Variants in MAOB observed in about 807,000 individuals in gnomAD.
MAOB encodes the protein monoamine oxidase B, also known as amine oxidase [flavin-containing] B.
A neutral mutation model predicts 41.9 loss-of-function variants in MAOB; 15 were observed. That is an observed-to-expected ratio of 0.36 (90% CI 0.24 to 0.55). The LOEUF is 0.55. MAOB is among the 20% of genes least tolerant of loss of function. The pLI is 0.86. For synonymous variants in MAOB, 167 were observed against 144.2 expected (o/e 1.16, Z -1.13); for missense variants, 345 against 398.7 (o/e 0.87, Z 1.15).
intron 3 of MAOB, among the ~76,000 whole-genome samples, chrX:43,836,743 A>G (rs2147161329): frequency 8.9e-6 from 1 of 112,229 alleles, no homozygotes; most frequent in Admixed American, 9.5e-5. Flanking sequence ...TTCTAATCAT[A>G]TTTTTACAAT....
intron 2 of MAOB, 73 bp downstream of exon 2, chrX:43,843,597 G>A (rs1413658587): frequency 1.5e-5 from 15 of 1,023,040 alleles, no homozygotes; most frequent in Non-Finnish European, 2.0e-5. Flanking sequence ...AGACTTTTGG[G>A]GAAAAAGACA....
intron 14 of MAOB, among the ~76,000 whole-genome samples, chrX:43,768,081 T>C (rs1223508812): frequency 1.8e-5 from 2 of 111,926 alleles, no homozygotes; most frequent in African/African-American, 6.5e-5. Flanking sequence ...AGGCCTATTC[T>C]CTTTGACTTC....
chrX:43,818,523 A>T (rs944001257), intron 3 of MAOB, among the ~76,000 whole-genome samples: 4 of 112,284 alleles, frequency 3.6e-5, no homozygotes, highest in African/African-American at 1.3e-4. Context: ...AGGCAACAGC[A>T]GGCACCAACA....
In MAOB at chrX:43,845,279, G is replaced by T. The variant is rs776242422; in HGVS notation, c.47-1515C>A. On this transcript the variant is annotated intron_variant, in intron 1 of 14. Transcript: ENST00000378069. ...TTGCTTTATGAGACCAAATATTAAG[G>T]CCATGCCAAGATGCTCTCATGCCTT... is the stretch of plus-strand genomic sequence containing the variant. 2.7e-5 allele frequency among the ~76,000 whole-genome samples: 3 copies of T among 111,463 alleles called. 1 individual carries two copies. In the South Asian group the frequency reaches 1.1e-3, roughly 42 times the overall value.
intron 3 of MAOB, among the ~76,000 whole-genome samples, chrX:43,812,723 G>C (rs2034764065): frequency 8.9e-6 from 1 of 112,403 alleles, no homozygotes; most frequent in South Asian, 3.6e-4. Flanking sequence ...ACATTTCTAA[G>C]CACACAGAAT....
intron 9 of MAOB, among the ~76,000 whole-genome samples, chrX:43,781,114 C>T (rs1323903957): frequency 9.0e-6 from 1 of 111,049 alleles, no homozygotes; most frequent in Non-Finnish European, 1.9e-5. Flanking sequence ...CAAGAAGTCT[C>T]TTAGTAAAAC....
intron 3 of MAOB, among the ~76,000 whole-genome samples, chrX:43,813,295 C>T (rs112130708): frequency 0.013 from 1,507 of 111,998 alleles, 40 homozygotes; most frequent in African/African-American, 0.045. Context: ...GAGTAAGCTG[C>T]TGATAGTTTC....
intron 7 of MAOB, among the ~76,000 whole-genome samples, chrX:43,794,151 A>G (rs1291230672): frequency 8.9e-6 from 1 of 111,900 alleles, no homozygotes; most frequent in African/African-American, 3.3e-5. Context: ...CTGGGATTAC[A>G]GGCGTTAGCC....
chrX:43,836,544 A>T (rs191573323), intron 3 of MAOB, among the ~76,000 whole-genome samples: 2 of 112,337 alleles, frequency 1.8e-5, no homozygotes, highest in Admixed American at 1.9e-4. Flanking sequence ...GTTACTACGT[A>T]AAACATATAC....
intron 10 of MAOB, 27 bp downstream of exon 10, chrX:43,780,315 C>T (rs775662698): frequency 2.0e-5 from 24 of 1,175,592 alleles, no homozygotes; most frequent in African/African-American, 1.6e-4. Flanking sequence ...AAGGAAGAAA[C>T]GAAAGAAGCA....
chrX:43,801,019 A>G (rs903072540), intron 5 of MAOB, among the ~76,000 whole-genome samples: 2 of 110,210 alleles, frequency 1.8e-5, no homozygotes, highest in Non-Finnish European at 3.8e-5. Flanking sequence ...CCGATCTTCT[A>G]CTATTGGGCT....
intron 3 of MAOB, among the ~76,000 whole-genome samples, chrX:43,819,055 C>T (rs929816731): frequency 9.0e-6 from 1 of 111,567 alleles, no homozygotes; most frequent in African/African-American, 3.3e-5. Context: ...TCTTACGCTT[C>T]TCTGTCCAGA....
At chrX:43,846,004 A>C (rs1206798934) in intron 1 of MAOB, among the ~76,000 whole-genome samples, 1 of 112,354 alleles carries the variant, frequency 8.9e-6, no homozygotes, top group Non-Finnish European at 1.9e-5. Context: ...CAAGCATTGC[A>C]CAACCCTGAT....
chrX:43,766,956 G>A lies in MAOB; in HGVS notation c.*510C>T, dbSNP rs2034119512. 8.9e-6 allele frequency: 1 copy of A among 111,841 alleles called. No homozygotes were observed. Among genetic ancestry groups the A allele is most frequent in the Non-Finnish European group, 1.9e-5 (1 of 53,332 alleles). 9.2% of individuals were successfully genotyped at this position (111,841 alleles called of 1,213,427 possible). A position where few individuals can be genotyped will look rare whatever the true frequency, so the allele number is the denominator to read the frequency against. On this transcript the variant is annotated 3_prime_UTR_variant, in exon 15 of 15. Transcript: ENST00000378069. ...TACCAGTGGCTTATTGTGGCTCTTA[G>A]GTAATTAAGTTCCACCTCTGTGGGC...
At chrX:43,780,628 T>G (rs1464907132) in intron 9 of MAOB, among the ~76,000 whole-genome samples, 3 of 112,060 alleles carry the variant, frequency 2.7e-5, no homozygotes, top group Non-Finnish European at 5.6e-5. Flanking sequence ...TGACTGGCCA[T>G]AATTTTTGCC....
chrX:43,834,849 C>T (rs2035055185), intron 3 of MAOB, among the ~76,000 whole-genome samples: 1 of 112,648 alleles, frequency 8.9e-6, no homozygotes, highest in Non-Finnish European at 1.9e-5. Flanking sequence ...ACCAAAAAGT[C>T]CTTTTGCTCA....
intron 3 of MAOB, among the ~76,000 whole-genome samples, chrX:43,807,806 G>T (rs763709095): frequency 7.3e-4 from 82 of 112,377 alleles, no homozygotes; most frequent in African/African-American, 2.4e-3. Context: ...GGCAGAGACT[G>T]CTGGCACACA....
intron 12 of MAOB, among the ~76,000 whole-genome samples, chrX:43,774,033 A>G (rs2034220820): frequency 8.9e-6 from 1 of 111,887 alleles, no homozygotes; most frequent in African/African-American, 3.2e-5. Context: ...TAAGCAGGTA[A>G]AGAAAGTGCT....
rs775603236 is a variant in MAOB at position 43,848,380 on chromosome X, T to G, written c.47-4616A>C. Reference sequence around the variant, plus strand: ...TTGAAAATACTACATAAGGACTCTTTCCCAGTTTAAAGTTATGAAAAGAGA... The same window carrying G: ...TTGAAAATACTACATAAGGACTCTTGCCCAGTTTAAAGTTATGAAAAGAGA... On this transcript the variant is annotated intron_variant, in intron 1 of 14. Coordinates refer to ENST00000378069, the MANE Select transcript of MAOB (RefSeq NM_000898.5). 3.6e-5 allele frequency among the ~76,000 whole-genome samples: 4 copies of G among 112,043 alleles called. No homozygotes were observed. The Admixed American group carries it at 3.8e-4, about 11-fold the overall frequency.
Sources: allele counts gnomAD v4.1 joint callset (sites outside exome capture counted in the v4.1 genomes callset), GRCh38; gene constraint gnomAD v4.1.1; transcripts MANE v1.5; gene names NCBI Gene and HGNC (gene_info 2026-07-23, HGNC 2026-07-21).